Variants in TECRL observed in about 807,000 individuals in gnomAD.
TECRL encodes trans-2,3-enoyl-CoA reductase-like.
TECRL carries 63 observed loss-of-function variants against 52.8 expected under a neutral mutation model. That is an observed-to-expected ratio of 1.19 (90% CI 0.97 to 1.47). The LOEUF is 1.47. Ranked by LOEUF, TECRL falls within the 40% of genes most tolerant of loss-of-function variation. TECRL has a pLI of 0.00. For missense variants in TECRL, 482 were observed against 429.6 expected, an observed-to-expected ratio of 1.12 and a Z score of -1.08; for synonymous variants, 164 against 141.9, an observed-to-expected ratio of 1.16 and a Z score of -1.10.
chr4:64,279,885 T>A lies in TECRL; in HGVS notation c.*187A>T. 1 of 1,151,614 alleles carries A rather than the reference T, an allele frequency of 8.7e-7. No individual in the cohort carries two copies. The highest frequency in any genetic ancestry group is 1.1e-6 in the Non-Finnish European group (1 of 935,706). 71.3% of individuals were successfully genotyped at this position (1,151,614 alleles called of 1,614,324 possible). On this transcript the variant is annotated 3_prime_UTR_variant, in exon 12 of 12. Coordinates refer to ENST00000381210, the MANE Select transcript of TECRL (RefSeq NM_001010874.5). ...AGCTGTTCTTAGTTAATTGCATTTA[T>A]AATTTATACTTTTTATTACCATGTG...
In TECRL at chr4:64,322,712, C is replaced by T; in HGVS notation, c.412G>A (p.Gly138Ser). Reference sequence around the variant, plus strand: ...ACTGTGGTCCAACTGACTTGTTGACCTAGGTCTGTAGCATACAGTGTGACA... The same window carrying T: ...ACTGTGGTCCAACTGACTTGTTGACTTAGGTCTGTAGCATACAGTGTGACA... ...SIVTLYATDL[G>S]QQVSWTTVFL... The change falls in exon 4 of 12, where the codon GGT (glycine) becomes AGT (serine). Residue 138 changes from glycine to serine, a missense_variant. Gly to Ser is a moderately conservative substitution (Grantham distance 56, BLOSUM62 0). Transcript: ENST00000381210. The T allele has an allele frequency of 2.5e-6, 4 of 1,606,280 alleles. No homozygotes were observed. Among genetic ancestry groups the T allele is most frequent in the Non-Finnish European group, 3.4e-6 (4 of 1,175,860 alleles).
chr4:64,386,233 A>G (rs1372236743), intron 1 of TECRL, among the ~76,000 whole-genome samples: 1 of 152,190 alleles, frequency 6.6e-6, no homozygotes, highest in African/African-American at 2.4e-5. Context: ...AAAGCATATA[A>G]TATGTATTAT....
intron 2 of TECRL, among the ~76,000 whole-genome samples, chr4:64,344,171 TCA>T (rs886226004): frequency 1.3e-5 from 2 of 151,438 alleles, no homozygotes; most frequent in Non-Finnish European, 3.0e-5. Flanking sequence ...ATATATATAC[TCA>T]CACATATACA....
chr4:64,349,065 C>CAAAAA (rs11318611), intron 2 of TECRL, among the ~76,000 whole-genome samples: 47 of 128,400 alleles, frequency 3.7e-4, no homozygotes, highest in African/African-American at 1.3e-3. Context: ...TTGGAAATTA[C>CAAAAA]AAAAAAAAAA....
chr4:64,401,941 T>C (rs1359992039), intron 1 of TECRL, among the ~76,000 whole-genome samples: 1 of 152,196 alleles, frequency 6.6e-6, no homozygotes, highest in South Asian at 2.1e-4. Flanking sequence ...TTCTCAGATT[T>C]ACCATTTTAA....
At chr4:64,346,144 T>G (rs1292563693) in intron 2 of TECRL, among the ~76,000 whole-genome samples, 2 of 152,162 alleles carry the variant, frequency 1.3e-5, no homozygotes, top group African/African-American at 4.8e-5. Flanking sequence ...GATGTTGTTA[T>G]GGGAAAAATA....
chr4:64,308,738 CAG>C (rs1392892286), intron 6 of TECRL, among the ~76,000 whole-genome samples: 7 of 152,240 alleles, frequency 4.6e-5, no homozygotes, highest in Non-Finnish European at 7.4e-5. Flanking sequence ...GAGATGGTAA[CAG>C]AAGCATTTTA....
chr4:64,356,878 G>A (rs1391588659), intron 2 of TECRL, among the ~76,000 whole-genome samples: 2 of 152,098 alleles, frequency 1.3e-5, no homozygotes, highest in East Asian at 1.9e-4. Flanking sequence ...AACAATGAGT[G>A]TTCATTAAAG....
At chr4:64,401,038 T>A (rs1312512601) in intron 1 of TECRL, among the ~76,000 whole-genome samples, 2 of 152,184 alleles carry the variant, frequency 1.3e-5, no homozygotes, top group Non-Finnish European at 2.9e-5. Context: ...CCCAATACTA[T>A]CTTGCCTCCC....
At chr4:64,385,456 G>T (rs1461531468) in intron 1 of TECRL, among the ~76,000 whole-genome samples, 1 of 152,078 alleles carries the variant, frequency 6.6e-6, no homozygotes. Flanking sequence ...TCTTTGTCCT[G>T]GCAGCAGCCT....
intron 3 of TECRL, among the ~76,000 whole-genome samples, chr4:64,323,352 G>T (rs111717207): frequency 2.6e-5 from 4 of 151,834 alleles, no homozygotes; most frequent in Admixed American, 2.0e-4. Flanking sequence ...AACTGTGATC[G>T]CTTCACTGTA....
intron 9 of TECRL, among the ~76,000 whole-genome samples, chr4:64,285,160 C>T (rs566377863): frequency 6.6e-6 from 1 of 152,148 alleles, no homozygotes; most frequent in East Asian, 1.9e-4. Flanking sequence ...AACTGTCATA[C>T]CCTCTGAGAA....
chr4:64,297,398 G>A (rs1394918717), intron 8 of TECRL, among the ~76,000 whole-genome samples: 5 of 150,936 alleles, frequency 3.3e-5, no homozygotes, highest in Admixed American at 3.3e-4. Flanking sequence ...GAGTACATAG[G>A]TCAAAAATAA....
At chr4:64,344,542 T>C (rs1719813670) in intron 2 of TECRL, among the ~76,000 whole-genome samples, 1 of 152,206 alleles carries the variant, frequency 6.6e-6, no homozygotes, top group Admixed American at 6.5e-5. Context: ...ACTTGCTTAC[T>C]ATTCAAATGC....
At chr4:64,304,989 AAT>A (rs1382091178) in intron 7 of TECRL, 175 bp downstream of exon 7, 3 of 422,356 alleles carry the variant, frequency 7.1e-6, no homozygotes, top group Non-Finnish European at 1.3e-5. Flanking sequence ...AATAAATAAA[AAT>A]ATATGAGTCA....
chr4:64,290,545 G>C (rs1045740540), intron 8 of TECRL, among the ~76,000 whole-genome samples: 5 of 152,080 alleles, frequency 3.3e-5, no homozygotes, highest in African/African-American at 1.2e-4. Context: ...TATCCCAAAA[G>C]TTGAGCACCC....
chr4:64,367,451 C>T (rs1318569193), intron 2 of TECRL, among the ~76,000 whole-genome samples: 2 of 151,878 alleles, frequency 1.3e-5, no homozygotes, highest in Admixed American at 6.6e-5. Context: ...TAATACATTC[C>T]AGAATGTCTT....
intron 9 of TECRL, among the ~76,000 whole-genome samples, chr4:64,285,129 G>A (rs1297391704): frequency 1.3e-5 from 2 of 152,156 alleles, no homozygotes; most frequent in African/African-American, 4.8e-5. Flanking sequence ...TGCACAATAT[G>A]TACATTTGAA....
intron 8 of TECRL, chr4:64,298,839 C>G (rs1723840546): frequency 6.6e-6 from 1 of 151,118 alleles, no homozygotes; most frequent in South Asian, 2.1e-4. Flanking sequence ...TTCTTCTCTT[C>G]CCTCAGATTT....
Sources: gnomAD v4.1 joint callset for allele counts (sites outside exome capture counted in the v4.1 genomes callset) on GRCh38, gnomAD v4.1.1 for gene constraint, MANE v1.5 for transcripts, NCBI Gene and HGNC (gene_info 2026-07-23, HGNC 2026-07-21) for gene names.